Variants in ATAD2B observed in about 807,000 individuals in gnomAD.
The protein encoded by ATAD2B is ATPase family AAA domain-containing protein 2B.
Under a neutral mutation model 167.6 loss-of-function variants are expected in ATAD2B, and 40 were observed. The ratio of observed to expected loss-of-function variants is 0.24; its 90% CI spans 0.19 to 0.31. The LOEUF (loss-of-function observed/expected upper bound fraction) is 0.31, where lower values mean the gene tolerates loss of function less well. ATAD2B is among the 10% of genes least tolerant of loss of function. ATAD2B has a pLI of 1.00. For missense variants in ATAD2B, 1,242 were observed against 1,757.2 expected (o/e 0.71, Z 5.24); for synonymous variants, 579 against 596.5 (o/e 0.97, Z 0.43).
the ATAD2B span, among the ~76,000 whole-genome samples, chr2:23,711,673 T>C: frequency 4.3e-4 from 66 of 152,208 alleles, 1 homozygote; most frequent in African/African-American, 1.5e-3. Flanking sequence ...GCCTGGCCCT[T>C]TCCCCAGAAT....
chr2:23,851,415 A>G (rs911742924), intron 13 of ATAD2B, among the ~76,000 whole-genome samples: 3 of 152,210 alleles, frequency 2.0e-5, no homozygotes, highest in Non-Finnish European at 4.4e-5. Flanking sequence ...TGCTGGGACT[A>G]CAAGTGTGAG....
Position 23,769,711 on chromosome 2 carries a change from G to GATTTTTTTTTTTTTTTTT in ATAD2B, c.3134-4084_3134-4083insAAAAAAAAAAAAAAAAAT, listed in dbSNP as rs199842019. ...AAGTGTTTAATGGTGTCTCACTGTGGGTTTTTTTTTTTTTTTTTTTTTGAG... is the reference window on the plus strand; with the variant it reads ...AAGTGTTTAATGGTGTCTCACTGTGGATTTTTTTTTTTTTTTTTGTTTTTTTTTTTTTTTTTTTTTGAG... On this transcript the variant is annotated intron_variant, in intron 22 of 27. Transcript: ENST00000238789. Among the ~76,000 whole-genome samples the GATTTTTTTTTTTTTTTTT allele has an allele frequency of 3.9e-5, 5 of 129,836 alleles. 1 individual carries two copies. The highest frequency in any genetic ancestry group is 5.0e-5 in the Non-Finnish European group (3 of 60,084). The allele number at this position is 129,836 out of a possible 152,430, so 85.2% of individuals were successfully genotyped here.
chr2:23,820,514 C>T (rs1047280989), intron 16 of ATAD2B, among the ~76,000 whole-genome samples: 2 of 152,132 alleles, frequency 1.3e-5, no homozygotes, highest in African/African-American at 4.8e-5. Context: ...TGGACTACCA[C>T]CTGAAGTATG....
intron 13 of ATAD2B, among the ~76,000 whole-genome samples, chr2:23,839,103 T>C (rs2149791936): frequency 6.6e-6 from 1 of 152,302 alleles, no homozygotes; most frequent in Admixed American, 6.5e-5. Context: ...ACAAAATTTA[T>C]GTTTATATTG....
intron 8 of ATAD2B, among the ~76,000 whole-genome samples, chr2:23,873,268 C>T (rs1399569477): frequency 6.6e-6 from 1 of 152,074 alleles, no homozygotes; most frequent in Non-Finnish European, 1.5e-5. Context: ...AAGAAAATGA[C>T]TTCAGATAGT....
chr2:23,830,537 A>C (rs1318286977), intron 14 of ATAD2B, among the ~76,000 whole-genome samples: 1 of 152,204 alleles, frequency 6.6e-6, no homozygotes, highest in Non-Finnish European at 1.5e-5. Flanking sequence ...TCCAGCAACA[A>C]AACAGAACAA....
chr2:23,765,455 C>T, intron 23 of ATAD2B, 51 bp downstream of exon 23: 2 of 1,488,218 alleles, frequency 1.3e-6, no homozygotes, highest in Non-Finnish European at 1.8e-6. Context: ...GTACTCTTGG[C>T]CTGAACAGAG....
chr2:23,847,109 A>C (rs1384805028), intron 13 of ATAD2B, among the ~76,000 whole-genome samples: 1 of 124,158 alleles, frequency 8.1e-6, no homozygotes, highest in Non-Finnish European at 1.7e-5. Context: ...TACCTCAATA[A>C]AGCTGTTTTG....
At chr2:23,921,218 AAAAAAAAAAAAAC>A (rs1453802802) in intron 1 of ATAD2B, among the ~76,000 whole-genome samples, 8 of 150,612 alleles carry the variant, frequency 5.3e-5, no homozygotes, top group Non-Finnish European at 8.9e-5. Context: ...AAAAAAAAAA[AAAAAAAAAAAAAC>A]AACCCAAAGA....
At chr2:23,705,177 G>A in the ATAD2B span, among the ~76,000 whole-genome samples, 1 of 152,182 alleles carries the variant, frequency 6.6e-6, no homozygotes, top group Non-Finnish European at 1.5e-5. Context: ...GAGGATGCTC[G>A]CACCTTCTCT....
the ATAD2B span, among the ~76,000 whole-genome samples, chr2:23,718,258 G>A: frequency 6.6e-6 from 1 of 152,138 alleles, no homozygotes; most frequent in East Asian, 1.9e-4. Flanking sequence ...CAGAACCCCA[G>A]AAGAAAAACC....
At chr2:23,926,415 T>C in intron 1 of ATAD2B, 140 bp downstream of exon 1, 1 of 1,405,288 alleles carries the variant, frequency 7.1e-7, no homozygotes, top group Non-Finnish European at 9.3e-7. Context: ...GGTGCCACCC[T>C]CCACCGCGCC....
At chr2:23,882,720 G>A (rs1023031377) in intron 6 of ATAD2B, among the ~76,000 whole-genome samples, 1 of 151,336 alleles carries the variant, frequency 6.6e-6, no homozygotes, top group Non-Finnish European at 1.5e-5. Context: ...TGAGGCAGGA[G>A]AATGGCATGA....
rs758744394 is a variant in ATAD2B at position 23,895,902 on chromosome 2, T to C, written c.285A>G (p.Gln95=). The change falls in exon 2 of 28, where the codon CAA becomes CAG. Residue 95 remains glutamine, a synonymous_variant. Coordinates refer to ENST00000238789, the MANE Select transcript of ATAD2B (RefSeq NM_017552.4). ...ATTTGTCTTTGCAAACAGAATCAGG[T>C]TGTTTCAAAGTGCGTTTGGCTGGAG... is the stretch of plus-strand genomic sequence containing the variant. ...VSPPAKRTLK[Q]PDSVCKDKSK... The C allele has an allele frequency of 3.1e-6, 5 of 1,613,526 alleles. No homozygotes were observed.
At chr2:23,843,774 A>C (rs1691309816) in intron 13 of ATAD2B, among the ~76,000 whole-genome samples, 1 of 152,128 alleles carries the variant, frequency 6.6e-6, no homozygotes, top group South Asian at 2.1e-4. Context: ...AGTACTCTAC[A>C]CTCACAGAGA....
intron 8 of ATAD2B, among the ~76,000 whole-genome samples, chr2:23,873,479 T>C (rs115223595): frequency 2.2e-3 from 332 of 152,352 alleles, no homozygotes; most frequent in African/African-American, 7.6e-3. Flanking sequence ...GCATATGGCC[T>C]ACACACATCC....
chr2:23,852,651 G>A (rs542649711), intron 13 of ATAD2B, among the ~76,000 whole-genome samples: 4 of 152,192 alleles, frequency 2.6e-5, no homozygotes, highest in Non-Finnish European at 5.9e-5. Context: ...AGGCGCAGTG[G>A]CTCACACTTG....
rs114628711 is a variant in ATAD2B at position 23,807,037 on chromosome 2, T to G, written c.2454+3279A>C. ...CATAAGTATTCTAGCCAGGCATGGC[T>G]CTCTCTATGCAGATGACACTGTGAA... On this transcript the variant is annotated intron_variant, in intron 18 of 27. Coordinates refer to ENST00000238789, the MANE Select transcript of ATAD2B (RefSeq NM_017552.4). 3.3e-3 allele frequency among the ~76,000 whole-genome samples: 508 copies of G among 152,296 alleles called. 3 individuals carry two copies. The highest frequency in any genetic ancestry group is 0.012 in the African/African-American group (491 of 41,550).
At chr2:23,700,966 C>A in the ATAD2B span, among the ~76,000 whole-genome samples, 1 of 152,220 alleles carries the variant, frequency 6.6e-6, no homozygotes, top group Non-Finnish European at 1.5e-5. The surrounding 1 kb of genome is among the most constrained non-coding windows in gnomAD (Gnocchi z 4.6). Context: ...CCAGCACACT[C>A]CTGAGCTTCC....
Sources: gnomAD v4.1 joint callset for allele counts (sites outside exome capture counted in the v4.1 genomes callset) on GRCh38, gnomAD v4.1.1 for gene constraint, Gnocchi (gnomAD v3.1) non-coding constraint, MANE v1.5 for transcripts, NCBI Gene and HGNC (gene_info 2026-07-23, HGNC 2026-07-21) for gene names.